Variants in DSG1 observed in about 807,000 individuals in gnomAD.
DSG1 encodes desmoglein-1.
Under a neutral mutation model 97.5 loss-of-function variants are expected in DSG1, and 39 were observed. The ratio of observed to expected loss-of-function variants is 0.40; its 90% CI spans 0.31 to 0.52. DSG1 has a LOEUF of 0.52. DSG1 is among the 20% of genes least tolerant of loss of function. DSG1 has a pLI of 0.53. For missense variants in DSG1, 1,311 were observed against 1,295.4 expected (o/e 1.01, Z -0.18); for synonymous variants, 475 against 443.4 (o/e 1.07, Z -0.90).
intron 5 of DSG1, among the ~76,000 whole-genome samples, chr18:31,330,486 A>G (rs2071713737): frequency 6.6e-6 from 1 of 152,160 alleles, no homozygotes; most frequent in African/African-American, 2.4e-5. Flanking sequence ...TTTAAGTGAT[A>G]AAATTTCTTG....
At position 31,357,351 on chromosome 18, in the gene DSG1, T is replaced by A. The variant is rs2071968193; in HGVS notation, c.*2005T>A. Among the ~76,000 whole-genome samples, 1 of 152,034 alleles carries A rather than the reference T, an allele frequency of 6.6e-6. No individual in the cohort carries two copies. Among genetic ancestry groups the A allele is most frequent in the Non-Finnish European group, 1.5e-5 (1 of 67,928 alleles). On this transcript the variant is annotated 3_prime_UTR_variant, in exon 15 of 15. Coordinates refer to ENST00000257192, the MANE Select transcript of DSG1 (RefSeq NM_001942.4). ...AGGGGGCCACATTAAGGATGGGTAA[T>A]CTTTCCAGGAATAAAGTCAAAAGGT...
rs145309261 is a variant in DSG1, at chr18:31,359,053, G to A, written c.*3707G>A. Among the ~76,000 whole-genome samples, 725 of 152,084 alleles carry A rather than the reference G, an allele frequency of 4.8e-3. 4 individuals carry two copies. The highest frequency in any genetic ancestry group is 0.017 in the African/African-American group (693 of 41,486). ...TCTAACTTATTTTTCTTTTGCTGTC[G>A]TTTTACAAGCATTTTAAAATTCTAA... is the stretch of plus-strand genomic sequence containing the variant. On this transcript the variant is annotated 3_prime_UTR_variant, in exon 15 of 15. Coordinates refer to ENST00000257192, the MANE Select transcript of DSG1 (RefSeq NM_001942.4).
chr18:31,332,135 C>CCTAAGGTAGAAT lies in DSG1; in HGVS notation c.684+282_684+293dup, dbSNP rs563987377. Among the ~76,000 whole-genome samples the CCTAAGGTAGAAT allele has an allele frequency of 3.6e-3, 552 of 151,860 alleles. 3 individuals carry two copies. The highest frequency in any genetic ancestry group is 0.012 in the African/African-American group (506 of 41,436). Reference sequence around the variant, plus strand: ...TATTGTGAAAGTACATGAAAATATGCCTAAGGTAGAATCTAAGGTAGAATC... The same window carrying CCTAAGGTAGAAT: ...TATTGTGAAAGTACATGAAAATATGCCTAAGGTAGAATCTAAGGTAGAATCTAAGGTAGAATC... On this transcript the variant is annotated intron_variant, in intron 6 of 14. Transcript: ENST00000257192.
rs1271978119 is a variant in DSG1 at position 31,357,348 on chromosome 18, T to C, written c.*2002T>C. ...CTTAGGGGGCCACATTAAGGATGGGTAATCTTTCCAGGAATAAAGTCAAAA... is the reference window on the plus strand; with the variant it reads ...CTTAGGGGGCCACATTAAGGATGGGCAATCTTTCCAGGAATAAAGTCAAAA... On this transcript the variant is annotated 3_prime_UTR_variant, in exon 15 of 15. Coordinates refer to ENST00000257192, the MANE Select transcript of DSG1 (RefSeq NM_001942.4). Among the ~76,000 whole-genome samples the C allele has an allele frequency of 6.6e-6, 1 of 152,052 alleles. No homozygotes were observed. The highest frequency in any genetic ancestry group is 6.6e-5 in the Admixed American group (1 of 15,264).
intron 11 of DSG1, among the ~76,000 whole-genome samples, chr18:31,340,361 C>A (rs141105670): frequency 5.9e-5 from 9 of 151,684 alleles, no homozygotes; most frequent in African/African-American, 2.2e-4. Context: ...AATCCCAGAA[C>A]TTTGAGAGGC....
intron 1 of DSG1, among the ~76,000 whole-genome samples, chr18:31,319,521 C>T (rs1050581707): frequency 6.6e-6 from 1 of 152,106 alleles, no homozygotes; most frequent in Non-Finnish European, 1.5e-5. Flanking sequence ...ATCCCATGCT[C>T]TTTTCAGTGG....
At position 31,358,485 on chromosome 18, in the gene DSG1, T is replaced by A. The variant is rs1356711082; in HGVS notation, c.*3139T>A. On this transcript the variant is annotated 3_prime_UTR_variant, in exon 15 of 15. Coordinates refer to ENST00000257192, the MANE Select transcript of DSG1 (RefSeq NM_001942.4). ...ATCATAATTTTTATTCAAGAAAATG[T>A]TCTGACAAAATTTTAATTATATGTC... Among the ~76,000 whole-genome samples, 1 of 152,114 alleles carries A rather than the reference T, an allele frequency of 6.6e-6. No homozygotes were observed. The highest frequency in any genetic ancestry group is 1.5e-5 in the Non-Finnish European group (1 of 67,936).
chr18:31,350,588 C>A (rs1418356183), intron 14 of DSG1, among the ~76,000 whole-genome samples: 1 of 148,914 alleles, frequency 6.7e-6, no homozygotes, highest in Non-Finnish European at 1.5e-5. Flanking sequence ...GCTGTGAATC[C>A]ATCTGGTCCT....
chr18:31,323,033 GA>G (rs1028728881), intron 1 of DSG1, among the ~76,000 whole-genome samples: 3 of 152,158 alleles, frequency 2.0e-5, no homozygotes, highest in Middle Eastern at 3.2e-3. Flanking sequence ...TATTTCAGGT[GA>G]ATTATTTACT....
chr18:31,318,861 T>C (rs759009365), intron 1 of DSG1, among the ~76,000 whole-genome samples: 18 of 152,124 alleles, frequency 1.2e-4, no homozygotes, highest in Non-Finnish European at 2.4e-4. Context: ...GTTGCATATT[T>C]GGTTAGAATC....
intron 8 of DSG1, among the ~76,000 whole-genome samples, chr18:31,335,977 G>A (rs967577806): frequency 2.6e-5 from 4 of 151,830 alleles, no homozygotes; most frequent in African/African-American, 9.7e-5. Context: ...GACCCATACT[G>A]TGTAATAAAT....
chr18:31,340,130 T>G (rs1263139638), intron 11 of DSG1, 105 bp downstream of exon 11: 1 of 1,276,676 alleles, frequency 7.8e-7, no homozygotes, highest in Non-Finnish European at 1.1e-6. Context: ...AATTCTCATT[T>G]TGTGCAATTA....
At chr18:31,345,477 A>G (rs991006597) in intron 13 of DSG1, 15 of 161,536 alleles carry the variant, frequency 9.3e-5, no homozygotes, top group African/African-American at 3.6e-4. Context: ...CCTACCTCAA[A>G]TATAGTAACA....
Position 31,354,368 on chromosome 18 carries a change from A to T in DSG1, c.2172A>T (p.Glu724Asp). 6.2e-7 allele frequency: 1 copy of T among 1,614,222 alleles called. No individual in the cohort carries two copies. The highest frequency in any genetic ancestry group is 1.1e-5 in the South Asian group (1 of 91,082). The change falls in exon 15 of 15, where the codon GAA becomes GAT. Residue 724 changes from glutamate (E) to aspartate (D), a missense_variant. This residue lies in a region of DSG1 where 1,038 missense variants were observed against 964.6 expected (regional missense o/e 1.08). Coordinates refer to ENST00000257192, the MANE Select transcript of DSG1 (RefSeq NM_001942.4). Reference protein sequence around the residue: ...SNDCLLIYDIEGVGSPAGSVG... With the variant: ...SNDCLLIYDIDGVGSPAGSVG... ...ACTGTTTGCTCATATATGACATCGA[A>T]GGTGTAGGTTCCCCTGCTGGCTCTG...
intron 13 of DSG1, among the ~76,000 whole-genome samples, chr18:31,344,237 G>T (rs1179814880): frequency 6.6e-6 from 1 of 152,002 alleles, no homozygotes; most frequent in Non-Finnish European, 1.5e-5. Context: ...TCCAAATTAG[G>T]ATCTCTATAT....
At chr18:31,349,208 T>C (rs1390684858) in intron 14 of DSG1, among the ~76,000 whole-genome samples, 1 of 138,754 alleles carries the variant, frequency 7.2e-6, no homozygotes, top group Non-Finnish European at 1.5e-5. Flanking sequence ...CCCAGCACCA[T>C]TTATTAAATA....
intron 1 of DSG1, among the ~76,000 whole-genome samples, chr18:31,324,232 T>G (rs908352333): frequency 6.6e-6 from 1 of 151,926 alleles, no homozygotes; most frequent in Admixed American, 6.5e-5. Context: ...TCCACCCGCC[T>G]CGGCCTCCCA....
At chr18:31,326,219 C>T (rs2071684968) in intron 1 of DSG1, among the ~76,000 whole-genome samples, 1 of 151,766 alleles carries the variant, frequency 6.6e-6, no homozygotes, top group South Asian at 2.1e-4. Flanking sequence ...TTTTAAATTA[C>T]TACTGTTAGT....
At chr18:31,319,458 G>T (rs1043531445) in intron 1 of DSG1, among the ~76,000 whole-genome samples, 2 of 152,138 alleles carry the variant, frequency 1.3e-5, no homozygotes, top group African/African-American at 4.8e-5. Flanking sequence ...TTATAAATGA[G>T]CATCAGTAAG....
Sources: gnomAD v4.1 joint callset for allele counts (sites outside exome capture counted in the v4.1 genomes callset) on GRCh38, gnomAD v4.1.1 for gene constraint, gnomAD v4.1.1 regional missense constraint, MANE v1.5 for transcripts, NCBI Gene and HGNC (gene_info 2026-07-23, HGNC 2026-07-21) for gene names.